The following FAR1 variants were observed in gnomAD, a reference collection of about 807,000 sequenced individuals.
FAR1 encodes the protein fatty acyl-CoA reductase 1.
A neutral mutation model predicts 61.1 loss-of-function variants in FAR1; 22 were observed. The ratio of observed to expected loss-of-function variants is 0.36; its 90% CI spans 0.26 to 0.51. The LOEUF is 0.51. Among genes scored for constraint, FAR1 ranks in the 20% least tolerant of loss-of-function variants. FAR1 has a pLI of 0.95. For missense variants in FAR1, 359 were observed against 626.9 expected (o/e 0.57, Z 4.56); for synonymous variants, 206 against 209.7 (o/e 0.98, Z 0.15).
At position 13,731,427 on chromosome 11, in the gene FAR1, GAAAT is replaced by G. The variant is rs1421380618; in HGVS notation, c.*2657_*2660del. The G allele has an allele frequency of 6.6e-6, 1 of 152,414 alleles. No individual in the cohort carries two copies. The highest frequency in any genetic ancestry group is 2.4e-5 in the African/African-American group (1 of 41,392). 9.4% of individuals were successfully genotyped at this position (152,414 alleles called of 1,614,324 possible). On this transcript the variant is annotated 3_prime_UTR_variant, in exon 12 of 12. Transcript: ENST00000354817. ...AATGTAAATTGAGAATCTTTTATAA[GAAAT>G]AAAAGCATTATTGGGTGCCTTTGTT...
chr11:13,725,278 A>G (rs1355912235), intron 10 of FAR1, among the ~76,000 whole-genome samples: 1 of 152,182 alleles, frequency 6.6e-6, no homozygotes, highest in Non-Finnish European at 1.5e-5. Context: ...ATCAGTTTAC[A>G]TTCCAGAGGG....
At chr11:13,719,939 A>T (rs200514709) in intron 9 of FAR1, 1 of 152,230 alleles carries the variant, frequency 6.6e-6, no homozygotes, top group Non-Finnish European at 1.5e-5. Flanking sequence ...TATTCAGAAC[A>T]TACCTGGCAA....
In FAR1 at chr11:13,728,853, A is replaced by G; in HGVS notation, c.*79A>G. 7.4e-7 allele frequency: 1 copy of G among 1,357,090 alleles called. No individual in the cohort carries two copies. The allele number at this position is 1,357,090 out of a possible 1,614,324, so 84.1% of individuals were successfully genotyped here. A position where few individuals can be genotyped will look rare whatever the true frequency, so the allele number is the denominator to read the frequency against. On this transcript the variant is annotated 3_prime_UTR_variant, in exon 12 of 12. Coordinates refer to ENST00000354817, the MANE Select transcript of FAR1 (RefSeq NM_032228.6). The stretch of plus-strand genomic sequence containing the variant: ...AAATGTAAAATGTATAAGTCATCTC[A>G]CTTTTTGTCAAGACATTAAACCATC...
chr11:13,671,116 A>G (rs537639670), intron 1 of FAR1, among the ~76,000 whole-genome samples: 1 of 152,334 alleles, frequency 6.6e-6, no homozygotes, highest in South Asian at 2.1e-4. Flanking sequence ...CCCTTAGTAT[A>G]ACAATACCTA....
chr11:13,679,200 T>C (rs933988506), intron 1 of FAR1, among the ~76,000 whole-genome samples: 12 of 109,300 alleles, frequency 1.1e-4, no homozygotes, highest in Admixed American at 5.3e-4. Context: ...AGTATATCTT[T>C]GTATATTGAA....
Position 13,728,762 on chromosome 11 carries a change from T to C in FAR1, c.1536T>C (p.Thr512=), listed in dbSNP as rs1198568383. 2.5e-6 allele frequency: 4 copies of C among 1,611,360 alleles called. No homozygotes were observed. Among genetic ancestry groups the C allele is most frequent in the South Asian group, 2.2e-5 (2 of 90,982 alleles). ...KFLSYFRASS[T]MRY ...TGTCATACTTCCGAGCATCCAGCAC[T>C]ATGAGATACTGAAGACCAAGGATTC... The change falls in exon 12 of 12, where the codon ACT becomes ACC. Residue 512 remains threonine (T), a synonymous_variant. Coordinates refer to ENST00000354817, the MANE Select transcript of FAR1 (RefSeq NM_032228.6).
intron 1 of FAR1, among the ~76,000 whole-genome samples, chr11:13,672,544 C>CA (rs34377920): frequency 0.26 from 28,792 of 111,292 alleles, 3,125 homozygotes; most frequent in South Asian, 0.28. Flanking sequence ...GACCCTGTCT[C>CA]AAAAAAAAAA....
At chr11:13,711,617 GA>G in intron 5 of FAR1, 146 bp from the exon 6 acceptor site, 2 of 660,720 alleles carry the variant, frequency 3.0e-6, no homozygotes, top group Non-Finnish European at 5.3e-6. Context: ...GGGACTGGTA[GA>G]AATAGTCTGG....
intron 1 of FAR1, among the ~76,000 whole-genome samples, chr11:13,689,211 C>T (rs966422140): frequency 6.6e-6 from 1 of 152,044 alleles, no homozygotes; most frequent in African/African-American, 2.4e-5. Context: ...TCCATATATT[C>T]GAAGTGGACA....
chr11:13,722,002 A>G, intron 10 of FAR1, 143 bp downstream of exon 10: 1 of 628,322 alleles, frequency 1.6e-6, no homozygotes, highest in East Asian at 3.2e-5. Flanking sequence ...TTTAGTCATA[A>G]TTGTTAGTGG....
At chr11:13,682,480 A>T (rs1848138514) in intron 1 of FAR1, among the ~76,000 whole-genome samples, 1 of 152,192 alleles carries the variant, frequency 6.6e-6, no homozygotes, top group Non-Finnish European at 1.5e-5. Context: ...ACAGTGGCAG[A>T]GCTGAGAAGT....
intron 7 of FAR1, 56 bp from the exon 8 acceptor site, chr11:13,712,910 A>G (rs1848515615): frequency 2.1e-6 from 3 of 1,400,120 alleles, no homozygotes; most frequent in Non-Finnish European, 3.0e-6. Flanking sequence ...TAGGACTTAG[A>G]TTGGATATGT....
intron 1 of FAR1, among the ~76,000 whole-genome samples, chr11:13,691,653 C>T (rs988815164): frequency 6.6e-6 from 1 of 152,230 alleles, no homozygotes; most frequent in African/African-American, 2.4e-5. Context: ...TGACTTCTTT[C>T]ATTTGATATA....
At chr11:13,718,162 G>T (rs1251362905) in intron 9 of FAR1, among the ~76,000 whole-genome samples, 6 of 152,118 alleles carry the variant, frequency 3.9e-5, no homozygotes, top group African/African-American at 9.7e-5. Flanking sequence ...AGTGCCTTTT[G>T]TCTGTCTGAA....
At chr11:13,695,798 T>C (rs889920091) in intron 2 of FAR1, among the ~76,000 whole-genome samples, 1 of 152,224 alleles carries the variant, frequency 6.6e-6, no homozygotes, top group African/African-American at 2.4e-5. Context: ...TATACCTTTA[T>C]AGATAGTTCT....
chr11:13,707,698 G>T (rs961869590), intron 3 of FAR1, among the ~76,000 whole-genome samples: 2 of 152,030 alleles, frequency 1.3e-5, no homozygotes, highest in African/African-American at 2.4e-5. Context: ...TACAAGGCAG[G>T]TTATTTTATA....
intron 1 of FAR1, among the ~76,000 whole-genome samples, chr11:13,685,843 A>G (rs1453234411): frequency 6.6e-6 from 1 of 152,166 alleles, no homozygotes; most frequent in African/African-American, 2.4e-5. Flanking sequence ...TTTTCTGTGG[A>G]GCAGATTTTT....
chr11:13,683,976 G>A (rs1848158780), intron 1 of FAR1, among the ~76,000 whole-genome samples: 1 of 152,208 alleles, frequency 6.6e-6, no homozygotes, highest in Admixed American at 6.5e-5. Context: ...ATGCATACAA[G>A]TAGAGCCAGT....
intron 10 of FAR1, among the ~76,000 whole-genome samples, chr11:13,722,125 C>T (rs777723242): frequency 1.6e-4 from 24 of 152,038 alleles, no homozygotes; most frequent in Non-Finnish European, 2.5e-4. Flanking sequence ...ATGTTGGTTT[C>T]AGAGAGAATT....
Sources: allele counts gnomAD v4.1 joint callset (sites outside exome capture counted in the v4.1 genomes callset), GRCh38; gene constraint gnomAD v4.1.1; transcripts MANE v1.5; gene names NCBI Gene and HGNC (gene_info 2026-07-23, HGNC 2026-07-21).